SELENOF: variants seen among roughly 807,000 people sequenced by gnomAD.
SELENOF encodes the protein selenoprotein F, also known as 15 kDa selenoprotein.
A neutral mutation model predicts 20.5 loss-of-function variants in SELENOF; 16 were observed. That is an observed-to-expected ratio of 0.78 (90% CI 0.53 to 1.19). The LOEUF is 1.19. Ranked by LOEUF, SELENOF falls within the 50% of genes most tolerant of loss-of-function variation. The pLI is 0.00. For missense variants in SELENOF, 215 were observed against 194.2 expected, an observed-to-expected ratio of 1.11 and a Z score of -0.64; for synonymous variants, 78 against 74.5, an observed-to-expected ratio of 1.05 and a Z score of -0.24.
At chr1:86,883,655 A>G (rs1320521332) in intron 2 of SELENOF, among the ~76,000 whole-genome samples, 1 of 152,180 alleles carries the variant, frequency 6.6e-6, no homozygotes, top group Non-Finnish European at 1.5e-5. Flanking sequence ...AGATTCCACT[A>G]CCTTACCTAA....
chr1:86,900,098 T>C (rs1295252563), intron 2 of SELENOF, among the ~76,000 whole-genome samples: 1 of 144,944 alleles, frequency 6.9e-6, no homozygotes, highest in African/African-American at 2.6e-5. Flanking sequence ...CTCCTCACTT[T>C]CCAGACTGGG....
rs1355429579 is a variant in SELENOF, at chr1:86,899,636, G to C, written c.252+3645C>G. On this transcript the variant is annotated intron_variant, in intron 2 of 4. Transcript: ENST00000331835. ...CCAGACGGGGCGGCTGGCCTGGCGG[G>C]GGGCTGACCCCCCCATCTCCCTCCC... Among the ~76,000 whole-genome samples the C allele has an allele frequency of 3.3e-5, 5 of 151,464 alleles. No homozygotes were observed. In the South Asian group the frequency reaches 1.0e-3, roughly 32 times the overall value.
chr1:86,911,318 C>T (rs920659047), intron 1 of SELENOF, among the ~76,000 whole-genome samples: 7 of 152,170 alleles, frequency 4.6e-5, no homozygotes, highest in Non-Finnish European at 8.8e-5. Context: ...CGCTGGGAAG[C>T]GGCTTGTAGG....
intron 2 of SELENOF, among the ~76,000 whole-genome samples, chr1:86,902,641 T>C (rs1362450042): frequency 3.3e-5 from 5 of 152,244 alleles, no homozygotes; most frequent in Admixed American, 1.3e-4. Flanking sequence ...GTCTACTTTA[T>C]AATTTAAATA....
At position 86,868,163 on chromosome 1, in the gene SELENOF, A is replaced by G; in HGVS notation, c.317-61T>C. ...TTCCAAATCCAAGCTAGCTAAAAAGATTAATATAAAAGTGGAAATAAACAA... is the reference window on the plus strand; with the variant it reads ...TTCCAAATCCAAGCTAGCTAAAAAGGTTAATATAAAAGTGGAAATAAACAA... On this transcript the variant is annotated intron_variant, in intron 3 of 4. Coordinates refer to ENST00000331835, the MANE Select transcript of SELENOF (RefSeq NM_004261.5). 4 of 797,378 alleles carry G rather than the reference A, an allele frequency of 5.0e-6. No homozygotes were observed. The South Asian group carries it at 6.8e-5, about 14-fold the overall frequency. 49.4% of individuals were successfully genotyped at this position (797,378 alleles called of 1,614,324 possible).
intron 2 of SELENOF, among the ~76,000 whole-genome samples, chr1:86,898,650 C>T (rs867160325): frequency 2.0e-5 from 3 of 147,504 alleles, no homozygotes; most frequent in Admixed American, 6.8e-5. Context: ...GGTGCGATCT[C>T]GGCTCACAGC....
intron 1 of SELENOF, among the ~76,000 whole-genome samples, chr1:86,903,890 T>C (rs559174465): frequency 2.6e-5 from 4 of 152,340 alleles, no homozygotes; most frequent in South Asian, 2.1e-4. Context: ...ATAAATTCTT[T>C]CTTAAACTCT....
chr1:86,904,486 A>G (rs1390716428), intron 1 of SELENOF, among the ~76,000 whole-genome samples: 1 of 152,160 alleles, frequency 6.6e-6, no homozygotes, highest in African/African-American at 2.4e-5. Flanking sequence ...CTATCAGTGA[A>G]TGTGGTATAC....
intron 1 of SELENOF, among the ~76,000 whole-genome samples, chr1:86,905,806 A>G (rs1557471815): frequency 6.6e-6 from 1 of 152,336 alleles, no homozygotes; most frequent in East Asian, 1.9e-4. Context: ...TTGTGGCCAT[A>G]TGGTTTCTGT....
chr1:86,886,076 A>G (rs946391209), intron 2 of SELENOF, among the ~76,000 whole-genome samples: 1 of 152,110 alleles, frequency 6.6e-6, no homozygotes, highest in South Asian at 2.1e-4. Flanking sequence ...GAAAATGGCC[A>G]CTCCAAATTT....
At chr1:86,879,323 A>T (rs1236748217) in intron 3 of SELENOF, among the ~76,000 whole-genome samples, 1 of 152,192 alleles carries the variant, frequency 6.6e-6, no homozygotes, top group Non-Finnish European at 1.5e-5. Context: ...TAAATAAATC[A>T]GAGTAAGAAA....
At chr1:86,883,110 G>T (rs931755179) in intron 2 of SELENOF, among the ~76,000 whole-genome samples, 1 of 144,812 alleles carries the variant, frequency 6.9e-6, no homozygotes, top group Non-Finnish European at 1.5e-5. Context: ...TGGGGGACAA[G>T]AGCGAGACTT....
At chr1:86,897,033 C>T (rs977288738) in intron 2 of SELENOF, among the ~76,000 whole-genome samples, 4 of 152,022 alleles carry the variant, frequency 2.6e-5, no homozygotes, top group East Asian at 1.9e-4. Flanking sequence ...AGGCCGGGCA[C>T]GGTGGCTCAC....
At chr1:86,913,920 A>G (rs1660060592) in intron 1 of SELENOF, 108 bp downstream of exon 1, 3 of 1,023,910 alleles carry the variant, frequency 2.9e-6, no homozygotes, top group East Asian at 2.5e-5. Context: ...GTCATTAAGG[A>G]AGCGCAGTCC....
At chr1:86,895,427 T>C (rs957389248) in intron 2 of SELENOF, among the ~76,000 whole-genome samples, 10 of 152,224 alleles carry the variant, frequency 6.6e-5, no homozygotes, top group Non-Finnish European at 2.9e-5. Context: ...ACCTACTACT[T>C]GTTATATGCT....
At chr1:86,866,195 CAAAAAAAAAAAA>C (rs762072945) in intron 4 of SELENOF, among the ~76,000 whole-genome samples, 10 of 27,648 alleles carry the variant, frequency 3.6e-4, no homozygotes, top group Admixed American at 5.0e-4. Context: ...AGACCATGTC[CAAAAAAAAAAAA>C]AAAAAAAAAA....
intron 4 of SELENOF, among the ~76,000 whole-genome samples, chr1:86,867,404 A>T (rs1658627814): frequency 6.6e-6 from 1 of 152,042 alleles, no homozygotes. Flanking sequence ...AGACATGAGA[A>T]TTGCTTGAAC....
At chr1:86,867,049 T>A (rs574335412) in intron 4 of SELENOF, among the ~76,000 whole-genome samples, 47 of 152,236 alleles carry the variant, frequency 3.1e-4, no homozygotes, top group African/African-American at 1.1e-3. Flanking sequence ...TTGGAAGCAA[T>A]CAAGATGTCC....
At chr1:86,908,000 A>G (rs1255314362) in intron 1 of SELENOF, among the ~76,000 whole-genome samples, 1 of 103,682 alleles carries the variant, frequency 9.6e-6, no homozygotes, top group East Asian at 2.1e-4. Context: ...AAAAAAAACA[A>G]AAAAAAAAAC....
Sources: gnomAD v4.1 joint callset for allele counts (sites outside exome capture counted in the v4.1 genomes callset) on GRCh38, gnomAD v4.1.1 for gene constraint, MANE v1.5 for transcripts, NCBI Gene and HGNC (gene_info 2026-07-23, HGNC 2026-07-21) for gene names.